SLC24A3: variants seen among roughly 807,000 people sequenced by gnomAD.
The protein encoded by SLC24A3 is solute carrier family 24 member 3.
SLC24A3 carries 28 observed loss-of-function variants against 75.8 expected under a neutral mutation model. The observed-to-expected ratio is 0.37, with a 90% CI of 0.27 to 0.51. SLC24A3 has a LOEUF of 0.51. Among genes scored for constraint, SLC24A3 ranks in the 20% least tolerant of loss-of-function variants. The pLI, the probability that SLC24A3 is intolerant of heterozygous loss-of-function variation, is 0.94. For missense variants in SLC24A3, 663 were observed against 847.8 expected (o/e 0.78, Z 2.71); for synonymous variants, 372 against 334.1 (o/e 1.11, Z -1.24).
chr20:19,523,008 A>T (rs536740937), intron 3 of SLC24A3, among the ~76,000 whole-genome samples: 47 of 152,318 alleles, frequency 3.1e-4, no homozygotes, highest in African/African-American at 1.1e-3. Context: ...GAAATTGTCT[A>T]CTAATGACGT....
intron 2 of SLC24A3, among the ~76,000 whole-genome samples, chr20:19,383,148 G>A (rs748088635): frequency 1.4e-4 from 21 of 152,116 alleles, no homozygotes; most frequent in Non-Finnish European, 2.6e-4. Context: ...GACTACATAT[G>A]GGAGGTAATC....
intron 3 of SLC24A3, among the ~76,000 whole-genome samples, chr20:19,527,637 C>T (rs542780894): frequency 2.2e-4 from 34 of 152,288 alleles, no homozygotes; most frequent in African/African-American, 7.7e-4. Flanking sequence ...CCCTGTCTCT[C>T]TAAGAGGTCC....
intron 2 of SLC24A3, among the ~76,000 whole-genome samples, chr20:19,422,041 C>T (rs1330462781): frequency 6.6e-6 from 1 of 152,164 alleles, no homozygotes; most frequent in Non-Finnish European, 1.5e-5. Flanking sequence ...AAGTGGGAGT[C>T]TCTTTCCCCC....
At chr20:19,531,625 A>G (rs2030300929) in intron 3 of SLC24A3, among the ~76,000 whole-genome samples, 1 of 152,252 alleles carries the variant, frequency 6.6e-6, no homozygotes, top group African/African-American at 2.4e-5. Context: ...GTGGTTAGCC[A>G]GTGTATGTGT....
intron 3 of SLC24A3, 32 bp from the exon 4 acceptor site, chr20:19,579,968 A>G (rs2031195875): frequency 2.6e-6 from 4 of 1,559,914 alleles, no homozygotes; most frequent in African/African-American, 1.3e-5. Flanking sequence ...GCCTCACTCT[A>G]ACTTTAACCC....
chr20:19,370,352 C>T (rs996522576), intron 2 of SLC24A3, among the ~76,000 whole-genome samples: 5 of 152,200 alleles, frequency 3.3e-5, no homozygotes, highest in African/African-American at 1.2e-4. Context: ...TAATACATTT[C>T]ATCTTATTTG....
intron 6 of SLC24A3, among the ~76,000 whole-genome samples, chr20:19,633,409 G>A (rs1361909926): frequency 2.0e-5 from 3 of 152,024 alleles, no homozygotes; most frequent in Non-Finnish European, 2.9e-5. Context: ...CAGCACTTTG[G>A]GAGGCCGAGG....
chr20:19,354,592 G>GTA (rs34884221), intron 2 of SLC24A3, among the ~76,000 whole-genome samples: 3,237 of 130,416 alleles, frequency 0.025, 56 homozygotes, highest in African/African-American at 0.071. Context: ...TTGTGTATGT[G>GTA]TGTGTGTGTG....
At chr20:19,353,403 G>A (rs1388669815) in intron 2 of SLC24A3, among the ~76,000 whole-genome samples, 2 of 152,110 alleles carry the variant, frequency 1.3e-5, no homozygotes, top group Non-Finnish European at 2.9e-5. Context: ...AAATAGTCTT[G>A]GGCCATTCAG....
At chr20:19,505,021 A>T (rs749825737) in intron 2 of SLC24A3, among the ~76,000 whole-genome samples, 30 of 152,228 alleles carry the variant, frequency 2.0e-4, no homozygotes, top group Non-Finnish European at 4.0e-4. Flanking sequence ...ATTGATAAAG[A>T]AATATGTTTC....
At chr20:19,681,733 T>C in intron 9 of SLC24A3, 125 bp from the exon 10 acceptor site, 1 of 1,465,980 alleles carries the variant, frequency 6.8e-7, no homozygotes, top group Non-Finnish European at 9.4e-7. Context: ...ATTAGAACAC[T>C]AATAACTTGA....
intron 6 of SLC24A3, among the ~76,000 whole-genome samples, chr20:19,617,174 G>A (rs1008960373): frequency 6.6e-6 from 1 of 152,192 alleles, no homozygotes; most frequent in Admixed American, 6.5e-5. Context: ...GGCTCCTCTC[G>A]AGCAGATCCT....
chr20:19,481,266 GATA>G (rs1988048857), intron 2 of SLC24A3, among the ~76,000 whole-genome samples: 1 of 152,164 alleles, frequency 6.6e-6, no homozygotes, highest in Non-Finnish European at 1.5e-5. Flanking sequence ...TTAAAGTTGT[GATA>G]ATAATAACTA....
intron 2 of SLC24A3, among the ~76,000 whole-genome samples, chr20:19,300,556 T>C (rs73284642): frequency 0.021 from 3,191 of 152,282 alleles, 45 homozygotes; most frequent in African/African-American, 0.034. Flanking sequence ...GCTGCCAGTG[T>C]GGTCTGGTTT....
intron 10 of SLC24A3, 151 bp downstream of exon 10, chr20:19,682,142 C>A: frequency 1.1e-6 from 1 of 885,534 alleles, no homozygotes; most frequent in Non-Finnish European, 1.7e-6. Flanking sequence ...GTAATCCCAG[C>A]TGCATGGGAG....
intron 2 of SLC24A3, among the ~76,000 whole-genome samples, chr20:19,318,393 G>A (rs374788884): frequency 2.6e-5 from 4 of 152,306 alleles, no homozygotes; most frequent in African/African-American, 9.6e-5. Context: ...ATGATGAGGA[G>A]GCTGAGAGAC....
At chr20:19,606,933 T>C (rs1417710135) in intron 6 of SLC24A3, among the ~76,000 whole-genome samples, 1 of 152,202 alleles carries the variant, frequency 6.6e-6, no homozygotes, top group African/African-American at 2.4e-5. Context: ...GCCTCACACT[T>C]GGTACACCTG....
intron 15 of SLC24A3, among the ~76,000 whole-genome samples, chr20:19,715,426 G>A (rs2033034289): frequency 6.6e-6 from 1 of 152,188 alleles, no homozygotes; most frequent in Middle Eastern, 3.2e-3. Flanking sequence ...TTGCTCTAGT[G>A]TCACAGAGAT....
At chr20:19,639,899 C>T (rs549223931) in intron 6 of SLC24A3, among the ~76,000 whole-genome samples, 1 of 152,376 alleles carries the variant, frequency 6.6e-6, no homozygotes, top group South Asian at 2.1e-4. Flanking sequence ...TTACCTGGGC[C>T]GGCAGGGCCG....
Sources: gnomAD v4.1 joint callset for allele counts (sites outside exome capture counted in the v4.1 genomes callset) on GRCh38, gnomAD v4.1.1 for gene constraint, MANE v1.5 for transcripts, NCBI Gene and HGNC (gene_info 2026-07-23, HGNC 2026-07-21) for gene names.